CADPS: variants seen among roughly 807,000 people sequenced by gnomAD.
The protein encoded by CADPS is calcium-dependent secretion activator 1.
CADPS carries 57 observed loss-of-function variants against 167.3 expected under a neutral mutation model. The observed-to-expected ratio is 0.34, with a 90% CI of 0.28 to 0.42. The LOEUF (loss-of-function observed/expected upper bound fraction) is 0.42, where lower values mean the gene tolerates loss of function less well. CADPS is among the 20% of genes least tolerant of loss of function. The pLI, the probability that CADPS is intolerant of heterozygous loss-of-function variation, is 1.00. For missense variants in CADPS, 1,414 were observed against 1,738.1 expected (o/e 0.81, Z 3.32); for synonymous variants, 676 against 635.3 (o/e 1.06, Z -0.96).
At chr3:62,781,713 A>ACGCC (rs1320954846) in intron 1 of CADPS, among the ~76,000 whole-genome samples, 2 of 152,100 alleles carry the variant, frequency 1.3e-5, no homozygotes, top group Non-Finnish European at 2.9e-5. Flanking sequence ...GTGATCTGAG[A>ACGCC]CGCCCCATGG....
intron 5 of CADPS, among the ~76,000 whole-genome samples, chr3:62,646,181 A>C (rs1367606492): frequency 1.0e-5 from 1 of 99,754 alleles, no homozygotes; most frequent in Non-Finnish European, 2.0e-5. Flanking sequence ...TTTTTTTTTG[A>C]GATGGAGTCT....
Position 62,669,314 on chromosome 3 carries a change from T to A in CADPS, c.889-6920A>T, listed in dbSNP as rs1580075887. 7.2e-5 allele frequency among the ~76,000 whole-genome samples: 11 copies of A among 152,260 alleles called. 1 individual carries two copies. The highest frequency in any genetic ancestry group is 5.9e-4 in the Admixed American group (9 of 15,294). Reference sequence around the variant, plus strand: ...GGCCCTCCTTTCCTCCACAGCCCCATGTTTTTTTATCCTCCTTCAGAGACA... The same window carrying A: ...GGCCCTCCTTTCCTCCACAGCCCCAAGTTTTTTTATCCTCCTTCAGAGACA... On this transcript the variant is annotated intron_variant, in intron 3 of 29. Transcript: ENST00000383710.
chr3:62,754,727 T>A (rs186421661), intron 2 of CADPS, among the ~76,000 whole-genome samples: 1 of 152,250 alleles, frequency 6.6e-6, no homozygotes, highest in Non-Finnish European at 1.5e-5. Context: ...AAATGAGGAT[T>A]AAATGTGTTA....
chr3:62,599,086 A>T (rs986903831), intron 6 of CADPS, among the ~76,000 whole-genome samples: 4 of 152,098 alleles, frequency 2.6e-5, no homozygotes, highest in African/African-American at 9.7e-5. Flanking sequence ...GGCTATTAAG[A>T]TGAATACCTC....
At chr3:62,791,207 G>T (rs6773629) in intron 1 of CADPS, among the ~76,000 whole-genome samples, 67,562 of 151,992 alleles carry the variant, frequency 0.44, 17,354 homozygotes, top group East Asian at 0.86. Flanking sequence ...TAGTGCAATG[G>T]GACTTTTTGG....
At chr3:62,445,711 T>TCA in intron 27 of CADPS, 54 bp downstream of exon 27, 1 of 853,070 alleles carries the variant, frequency 1.2e-6, no homozygotes. Flanking sequence ...AAAGTAAAAA[T>TCA]GAAAAAAAAA....
Position 62,437,074 on chromosome 3 carries a change from T to A in CADPS, c.3777+1030A>T, listed in dbSNP as rs1243961813. Among the ~76,000 whole-genome samples, 21 of 150,876 alleles carry A rather than the reference T, an allele frequency of 1.4e-4. 1 individual carries two copies. The highest frequency in any genetic ancestry group is 2.9e-4 in the Non-Finnish European group (20 of 67,812). On this transcript the variant is annotated intron_variant, in intron 28 of 29. Transcript: ENST00000383710. ...TCACAGAAAAAAAAAAATAGAAACA[T>A]GGATTCCATAGTAGACCAAAACATT...
intron 10 of CADPS, chr3:62,550,943 T>G (rs1398618519): frequency 4.4e-6 from 2 of 456,636 alleles, no homozygotes; most frequent in Non-Finnish European, 8.8e-6. Flanking sequence ...TGGCTGCTGC[T>G]CCTTAGTCTT....
In CADPS at chr3:62,719,997, G is replaced by A. The variant is rs140701652; in HGVS notation, c.888+33444C>T. Reference sequence around the variant, plus strand: ...GGGAGCATCATTTGAAAACGGGGCTGCACCATCAGCCTGGGACATAGGATA... The same window carrying A: ...GGGAGCATCATTTGAAAACGGGGCTACACCATCAGCCTGGGACATAGGATA... On this transcript the variant is annotated intron_variant, in intron 3 of 29. Transcript: ENST00000383710. 2.2e-3 allele frequency among the ~76,000 whole-genome samples: 331 copies of A among 152,268 alleles called. 4 individuals are homozygous for A. The East Asian group carries it at 0.023, about 11-fold the overall frequency.
At chr3:62,658,215 C>T (rs984081048) in intron 4 of CADPS, among the ~76,000 whole-genome samples, 1 of 152,082 alleles carries the variant, frequency 6.6e-6, no homozygotes, top group Non-Finnish European at 1.5e-5. Context: ...CTTGATTTGC[C>T]TATACTTGGG....
In CADPS at chr3:62,513,699, C is replaced by T. The variant is rs1331391410; in HGVS notation, c.2582-931G>A. 6.3e-6 allele frequency: 10 copies of T among 1,584,452 alleles called. No individual in the cohort carries two copies. In the South Asian group the frequency reaches 1.1e-4, roughly 18 times the overall value. On this transcript the variant is annotated intron_variant, in intron 16 of 29. Coordinates refer to ENST00000383710, the MANE Select transcript of CADPS (RefSeq NM_003716.4). ...AGACAGGATGCTCATACATTTCTCT[C>T]TTTTTCCCTATAAAAGAGGATTTGG...
intron 6 of CADPS, among the ~76,000 whole-genome samples, chr3:62,642,502 G>T (rs2149993484): frequency 6.6e-6 from 1 of 152,252 alleles, no homozygotes; most frequent in South Asian, 2.1e-4. Flanking sequence ...AAAAGGAGAA[G>T]AAATAAAGCT....
intron 3 of CADPS, among the ~76,000 whole-genome samples, chr3:62,738,988 G>T (rs1484328356): frequency 6.6e-6 from 1 of 152,140 alleles, no homozygotes. Flanking sequence ...ATTCAAAAGT[G>T]GCCATAACCT....
At position 62,602,966 on chromosome 3, in the gene CADPS, A is replaced by G. The variant is rs550976863; in HGVS notation, c.1326-10218T>C. On this transcript the variant is annotated intron_variant, in intron 6 of 29. Transcript: ENST00000383710. The surrounding 1 kb of genome is among the most constrained non-coding windows in gnomAD (Gnocchi z 4.4). Reference sequence around the variant, plus strand: ...GTATATCACAAATCTGATTTTTGCTATGGAGAAAAAGAAAGCAGAAAATGG... The same window carrying G: ...GTATATCACAAATCTGATTTTTGCTGTGGAGAAAAAGAAAGCAGAAAATGG... Among the ~76,000 whole-genome samples the G allele has an allele frequency of 6.6e-6, 1 of 152,266 alleles. No individual in the cohort carries two copies. The highest frequency in any genetic ancestry group is 2.1e-4 in the South Asian group (1 of 4,810).
At chr3:62,619,862 C>A (rs908452207) in intron 6 of CADPS, among the ~76,000 whole-genome samples, 1 of 152,104 alleles carries the variant, frequency 6.6e-6, no homozygotes, top group Non-Finnish European at 1.5e-5. Flanking sequence ...AGTGACTGCT[C>A]TTTGAGGTGC....
chr3:62,548,490 T>A (rs2600859), intron 11 of CADPS, among the ~76,000 whole-genome samples: 43,303 of 152,080 alleles, frequency 0.28, 6,915 homozygotes, highest in African/African-American at 0.45. Context: ...CCTGGGAGCA[T>A]CTGATAGACA....
At position 62,481,811 on chromosome 3, in the gene CADPS, G is replaced by C; in HGVS notation, c.3085C>G (p.Pro1029Ala). The change falls in exon 22 of 30, where the codon CCA (proline) becomes GCA (alanine). Residue 1029 changes from proline to alanine, a missense_variant. Physicochemically the swap from Pro to Ala is conservative, Grantham distance 27. Around this residue, in one of 6 missense-constraint regions of CADPS, gnomAD observed 529 missense variants for 629.6 expected, o/e 0.84. Transcript: ENST00000383710. ...NLPNVNLPKVPNLPVNIPLGI... is the reference protein window; with the variant it reads ...NLPNVNLPKVANLPVNIPLGI... ...AGAGGGATGTTAACTGGTAGATTTG[G>C]TACTTTGGGAAGGTTCACATTGGGT... The C allele has an allele frequency of 6.2e-7, 1 of 1,611,698 alleles. No individual in the cohort carries two copies. Among genetic ancestry groups the C allele is most frequent in the Non-Finnish European group, 8.5e-7 (1 of 1,179,136 alleles).
intron 1 of CADPS, among the ~76,000 whole-genome samples, chr3:62,869,295 C>T (rs1017745084): frequency 1.6e-4 from 25 of 152,034 alleles, no homozygotes; most frequent in African/African-American, 5.8e-4. Context: ...TTCCTGCAGT[C>T]ACTTCTGTAC....
chr3:62,667,820 C>A (rs2074750677), intron 3 of CADPS, among the ~76,000 whole-genome samples: 1 of 152,094 alleles, frequency 6.6e-6, no homozygotes, highest in South Asian at 2.1e-4. Flanking sequence ...AGGGAGGAAG[C>A]AATCCCACTA....
Sources: gnomAD v4.1 joint callset for allele counts (sites outside exome capture counted in the v4.1 genomes callset) on GRCh38, gnomAD v4.1.1 for gene constraint, gnomAD v4.1.1 regional missense constraint, Gnocchi (gnomAD v3.1) non-coding constraint, MANE v1.5 for transcripts, NCBI Gene and HGNC (gene_info 2026-07-23, HGNC 2026-07-21) for gene names.